Variants in SRGAP1 observed in about 807,000 individuals in gnomAD.
SRGAP1 encodes SLIT-ROBO Rho GTPase-activating protein 1.
SRGAP1 carries 43 observed loss-of-function variants against 121.9 expected under a neutral mutation model. The observed-to-expected ratio is 0.35, with a 90% CI of 0.28 to 0.46. The LOEUF (loss-of-function observed/expected upper bound fraction) is 0.46. SRGAP1 is among the 20% of genes least tolerant of loss of function. The pLI, the probability that SRGAP1 is intolerant of heterozygous loss-of-function variation, is 1.00. For missense variants in SRGAP1, 1,102 were observed against 1,350.9 expected (o/e 0.82, Z 2.89); for synonymous variants, 447 against 485.4 (o/e 0.92, Z 1.04).
chr12:63,980,792 C>G (rs1226813074), intron 1 of SRGAP1, among the ~76,000 whole-genome samples: 1 of 151,992 alleles, frequency 6.6e-6, no homozygotes. Context: ...CAGGGTTTCA[C>G]AATGTTGGCC....
At chr12:63,961,882 G>C (rs1445386153) in intron 1 of SRGAP1, among the ~76,000 whole-genome samples, 1 of 152,172 alleles carries the variant, frequency 6.6e-6, no homozygotes, top group Non-Finnish European at 1.5e-5. Context: ...TCGGGGGCTG[G>C]TGGATATATT....
At chr12:63,941,876 T>C (rs578262440) in intron 1 of SRGAP1, among the ~76,000 whole-genome samples, 2 of 152,330 alleles carry the variant, frequency 1.3e-5, no homozygotes, top group Non-Finnish European at 2.9e-5. Context: ...CTGTCTGCTT[T>C]TCTTAGGATA....
intron 1 of SRGAP1, among the ~76,000 whole-genome samples, chr12:63,861,669 T>C (rs1899457298): frequency 6.6e-6 from 1 of 152,130 alleles, no homozygotes; most frequent in African/African-American, 2.4e-5. Flanking sequence ...ATGATTATTA[T>C]TTCTGTGACT....
intron 1 of SRGAP1, among the ~76,000 whole-genome samples, chr12:63,954,688 A>AAAAAAAAAG (rs57230527): frequency 1.5e-5 from 2 of 130,290 alleles, no homozygotes; most frequent in African/African-American, 2.8e-5. Context: ...AAAAAAAAAA[A>AAAAAAAAAG]AAAAGAAAAG....
intron 1 of SRGAP1, among the ~76,000 whole-genome samples, chr12:63,860,729 T>G (rs1899416169): frequency 6.6e-6 from 1 of 152,220 alleles, no homozygotes; most frequent in African/African-American, 2.4e-5. Flanking sequence ...TTCAAAGAAC[T>G]AGGTTTTTGC....
intron 4 of SRGAP1, among the ~76,000 whole-genome samples, chr12:64,023,154 T>A (rs185466898): frequency 4.7e-4 from 71 of 150,694 alleles, no homozygotes; most frequent in Admixed American, 1.3e-3. Context: ...ACAGATGGTT[T>A]TTTACATATA....
chr12:64,072,108 CTGTGTGTGTGTG>C lies in SRGAP1; in HGVS notation c.1126-6782_1126-6771del, dbSNP rs66959510. ...ATTACGGAGTTGACCCAATCTCTCT[CTGTGTGTGTGTG>C]TGTGTGTGTGTGTGTGTGTGTGTGT... is the stretch of plus-strand genomic sequence containing the variant. On this transcript the variant is annotated intron_variant, in intron 8 of 21. Coordinates refer to ENST00000355086, the MANE Select transcript of SRGAP1 (RefSeq NM_020762.4). Among the ~76,000 whole-genome samples the C allele has an allele frequency of 1.2e-3, 93 of 80,428 alleles. 1 individual carries two copies. Among genetic ancestry groups the C allele is most frequent in the East Asian group, 2.3e-3 (5 of 2,142 alleles). 52.8% of individuals were successfully genotyped at this position (80,428 alleles called of 152,430 possible).
At chr12:63,934,882 A>G (rs928190174) in intron 1 of SRGAP1, among the ~76,000 whole-genome samples, 10 of 152,110 alleles carry the variant, frequency 6.6e-5, no homozygotes, top group African/African-American at 2.4e-4. Flanking sequence ...CCCAGTAACT[A>G]TTTTAATCTA....
In SRGAP1 at chr12:64,151,681, T is replaced by C. The variant is rs1463297792; in HGVS notation, c.*9009T>C. ...CTTTACCAGTGTACTAGGTGAGTGA[T>C]AGGCTCAATGCAAATTCTTAGCAGT... is the stretch of plus-strand genomic sequence containing the variant. On this transcript the variant is annotated 3_prime_UTR_variant, in exon 22 of 22. Coordinates refer to ENST00000355086, the MANE Select transcript of SRGAP1 (RefSeq NM_020762.4). 6.6e-6 allele frequency: 1 copy of C among 152,188 alleles called. No individual in the cohort carries two copies. The highest frequency in any genetic ancestry group is 1.5e-5 in the Non-Finnish European group (1 of 68,020). 9.4% of individuals were successfully genotyped at this position (152,188 alleles called of 1,614,324 possible). A position where few individuals can be genotyped will look rare whatever the true frequency, so the allele number is the denominator to read the frequency against.
intron 1 of SRGAP1, among the ~76,000 whole-genome samples, chr12:63,866,425 C>T (rs1899633755): frequency 6.6e-6 from 1 of 152,170 alleles, no homozygotes; most frequent in Non-Finnish European, 1.5e-5. Flanking sequence ...TTTTGTCTAA[C>T]ATCATTTCCA....
chr12:64,136,644 G>A (rs1413798602), intron 21 of SRGAP1, among the ~76,000 whole-genome samples: 2 of 152,316 alleles, frequency 1.3e-5, no homozygotes, highest in East Asian at 3.9e-4. Context: ...AAATTAGATT[G>A]TGAGAAGTTT....
At chr12:63,885,979 A>G (rs187408797) in intron 1 of SRGAP1, among the ~76,000 whole-genome samples, 2 of 152,326 alleles carry the variant, frequency 1.3e-5, no homozygotes, top group East Asian at 1.9e-4. Flanking sequence ...ATCATGGATA[A>G]TATGTTGTTC....
intron 12 of SRGAP1, chr12:64,091,890 T>A (rs1342143374): frequency 1.3e-6 from 2 of 1,535,654 alleles, no homozygotes; most frequent in Non-Finnish European, 1.7e-6. Context: ...ATAATGCTTC[T>A]AGCCGAGGAC....
intron 17 of SRGAP1, among the ~76,000 whole-genome samples, chr12:64,113,559 A>G (rs1423820744): frequency 6.6e-6 from 1 of 152,142 alleles, no homozygotes; most frequent in Non-Finnish European, 1.5e-5. Context: ...TGGATATCCC[A>G]GTTACCCAGA....
At chr12:63,877,052 C>T (rs182859368) in intron 1 of SRGAP1, among the ~76,000 whole-genome samples, 38 of 152,212 alleles carry the variant, frequency 2.5e-4, no homozygotes, top group South Asian at 1.2e-3. Flanking sequence ...GGCAAAACCA[C>T]GTTTCTACTA....
At chr12:63,994,943 G>A (rs2033653733) in intron 3 of SRGAP1, among the ~76,000 whole-genome samples, 2 of 152,232 alleles carry the variant, frequency 1.3e-5, no homozygotes, top group South Asian at 2.1e-4. Context: ...GCATAAAAAT[G>A]TAATTAATGT....
intron 21 of SRGAP1, among the ~76,000 whole-genome samples, chr12:64,129,948 C>T (rs1236480152): frequency 6.6e-6 from 1 of 152,006 alleles, no homozygotes; most frequent in African/African-American, 2.4e-5. Context: ...ATTCCCTTTG[C>T]CTTCAGCAAG....
At chr12:63,905,805 A>G (rs1482863444) in intron 1 of SRGAP1, among the ~76,000 whole-genome samples, 1 of 152,216 alleles carries the variant, frequency 6.6e-6, no homozygotes, top group Non-Finnish European at 1.5e-5. Flanking sequence ...GCAAAATGCA[A>G]TAATTAGTGT....
At chr12:64,008,968 G>A (rs1593036118) in intron 3 of SRGAP1, among the ~76,000 whole-genome samples, 1 of 152,086 alleles carries the variant, frequency 6.6e-6, no homozygotes, top group Non-Finnish European at 1.5e-5. Flanking sequence ...TTGTAGATGT[G>A]AGCTTTTGGT....
Sources: allele counts gnomAD v4.1 joint callset (sites outside exome capture counted in the v4.1 genomes callset), GRCh38; gene constraint gnomAD v4.1.1; transcripts MANE v1.5; gene names NCBI Gene and HGNC (gene_info 2026-07-23, HGNC 2026-07-21).